The following USP25 variants were observed in gnomAD, a reference collection of about 807,000 sequenced individuals.
The protein encoded by USP25 is ubiquitin carboxyl-terminal hydrolase 25.
Under a neutral mutation model 158.5 loss-of-function variants are expected in USP25, and 85 were observed. That is an observed-to-expected ratio of 0.54 (90% CI 0.45 to 0.64). The LOEUF (loss-of-function observed/expected upper bound fraction) is 0.64, where lower values mean the gene tolerates loss of function less well. USP25 is among the 30% of genes least tolerant of loss of function. USP25 has a pLI of 0.00. For missense variants in USP25, 1,242 were observed against 1,327.3 expected (o/e 0.94, Z 1.00); for synonymous variants, 464 against 460.4 (o/e 1.01, Z -0.10).
In USP25 at chr21:15,825,033, C is replaced by T. The variant is rs750944077; in HGVS notation, c.1276C>T (p.Leu426Phe). 6.2e-7 allele frequency: 1 copy of T among 1,611,150 alleles called. No individual in the cohort carries two copies. The highest frequency in any genetic ancestry group is 1.1e-5 in the South Asian group (1 of 90,786). The change falls in exon 12 of 26, where the codon CTC becomes TTC. Residue 426 changes from leucine (L) to phenylalanine (F), a missense_variant. By Grantham distance (22) the Leu-to-Phe change is conservative (BLOSUM62 0). Transcript: ENST00000400183. ...REEIKRLKDY[L>F]TVLQQRLERY... ...AGAGATCAAGAGACTGAAAGATTAC[C>T]TCACGGTATTACAACAAAGGCTAGA... is the stretch of plus-strand genomic sequence containing the variant.
At chr21:15,735,530 G>T (rs1457527001) in intron 1 of USP25, among the ~76,000 whole-genome samples, 1 of 152,168 alleles carries the variant, frequency 6.6e-6, no homozygotes, top group Admixed American at 6.5e-5. Flanking sequence ...GCCTCTGGGG[G>T]TCCTGGAACC....
intron 4 of USP25, among the ~76,000 whole-genome samples, chr21:15,784,141 TAA>T (rs1352875077): frequency 6.6e-6 from 1 of 152,154 alleles, no homozygotes; most frequent in Non-Finnish European, 1.5e-5. Context: ...TCAATATAGG[TAA>T]ATCCATAATC....
intron 17 of USP25, among the ~76,000 whole-genome samples, chr21:15,839,812 A>G (rs912844143): frequency 1.3e-5 from 2 of 152,030 alleles, no homozygotes; most frequent in African/African-American, 4.8e-5. Flanking sequence ...CATCGTTTCT[A>G]TTGCATATAG....
At chr21:15,772,291 G>A (rs147071644) in intron 3 of USP25, among the ~76,000 whole-genome samples, 362 of 152,294 alleles carry the variant, frequency 2.4e-3, no homozygotes, top group African/African-American at 8.2e-3. Flanking sequence ...AGTAGGATGA[G>A]TATCACGTTT....
rs1378812777 is a variant in USP25, at chr21:15,859,973, A to G, written c.2548-4295A>G. 4.9e-5 allele frequency among the ~76,000 whole-genome samples: 7 copies of G among 143,850 alleles called. 1 individual carries two copies. In the East Asian group the frequency reaches 1.4e-3, roughly 29 times the overall value. The allele number at this position is 143,850 out of a possible 152,430, so 94.4% of individuals were successfully genotyped here. On this transcript the variant is annotated intron_variant, in intron 20 of 25. Transcript: ENST00000400183. The stretch of plus-strand genomic sequence containing the variant: ...ATTTAAATTGGATATATATATGTAT[A>G]TATATATATATATCTATATTTTTTT...
chr21:15,843,659 A>G lies in USP25; in HGVS notation c.2337+1119A>G, dbSNP rs746872854. Among the ~76,000 whole-genome samples the G allele has an allele frequency of 2.0e-5, 3 of 152,136 alleles. No homozygotes were observed. Among genetic ancestry groups the G allele is most frequent in the Non-Finnish European group, 1.5e-5 (1 of 67,998 alleles). On this transcript the variant is annotated intron_variant, in intron 18 of 25. Coordinates refer to ENST00000400183, the MANE Select transcript of USP25 (RefSeq NM_001283041.3). The surrounding 1 kb of genome is among the most constrained non-coding windows in gnomAD (Gnocchi z 4.0). ...ATTTGATGTGAACATCACTAACTCT[A>G]AAGCTTTTCCTGGAAAATGCTTTGT...
chr21:15,834,042 G>A (rs886938501), intron 17 of USP25, among the ~76,000 whole-genome samples: 8 of 151,884 alleles, frequency 5.3e-5, no homozygotes, highest in East Asian at 1.9e-4. Context: ...GATGTTTTTC[G>A]GAATTCTTAA....
chr21:15,805,470 TGAAAA>T, intron 7 of USP25: 1 of 376,266 alleles, frequency 2.7e-6, no homozygotes, highest in Non-Finnish European at 4.6e-6. Context: ...ATGATTGAAA[TGAAAA>T]CGATGGATAC....
rs575136706 is a variant in USP25, at chr21:15,867,855, A to G, written c.2805+1511A>G. On this transcript the variant is annotated intron_variant, in intron 22 of 25. Coordinates refer to ENST00000400183, the MANE Select transcript of USP25 (RefSeq NM_001283041.3). ...ATAAAACTTATTGGGAGACATTAAC[A>G]AAGACCTAAATAAATGGGCATACAT... Among the ~76,000 whole-genome samples, 224 of 152,322 alleles carry G rather than the reference A, an allele frequency of 1.5e-3. 3 individuals carry two copies. Among genetic ancestry groups the G allele is most frequent in the African/African-American group, 4.9e-3 (204 of 41,584 alleles).
chr21:15,762,861 A>G (rs2033813501), intron 1 of USP25, 30 bp from the exon 2 acceptor site: 2 of 1,588,890 alleles, frequency 1.3e-6, no homozygotes, highest in Admixed American at 1.8e-5. Flanking sequence ...AGTTGAGAAT[A>G]TAATGATTTT....
intron 4 of USP25, among the ~76,000 whole-genome samples, chr21:15,783,643 C>T (rs1277371683): frequency 3.9e-5 from 6 of 152,016 alleles, no homozygotes; most frequent in African/African-American, 7.2e-5. Flanking sequence ...AGAATATATC[C>T]GGCAGTGCTA....
intron 1 of USP25, among the ~76,000 whole-genome samples, chr21:15,752,484 G>A (rs2033098301): frequency 1.3e-5 from 2 of 152,314 alleles, no homozygotes; most frequent in Non-Finnish European, 2.9e-5. Flanking sequence ...AAAGTGCTGG[G>A]ATTACAGGCG....
At chr21:15,762,323 T>G (rs2033778220) in intron 1 of USP25, among the ~76,000 whole-genome samples, 1 of 152,086 alleles carries the variant, frequency 6.6e-6, no homozygotes. Context: ...TCTCTCTACC[T>G]CTTTTCCCTT....
At chr21:15,858,063 G>C (rs996383008) in intron 20 of USP25, among the ~76,000 whole-genome samples, 2 of 151,920 alleles carry the variant, frequency 1.3e-5, no homozygotes, top group African/African-American at 4.8e-5. Flanking sequence ...TCTGTTTTTG[G>C]ACAATACACT....
chr21:15,752,804 T>G (rs2033118416), intron 1 of USP25, among the ~76,000 whole-genome samples: 1 of 152,196 alleles, frequency 6.6e-6, no homozygotes, highest in Non-Finnish European at 1.5e-5. Flanking sequence ...GGGTATACCT[T>G]CAGATTTATG....
chr21:15,746,326 T>C (rs954629374), intron 1 of USP25, among the ~76,000 whole-genome samples: 15 of 152,220 alleles, frequency 9.9e-5, no homozygotes, highest in Non-Finnish European at 2.2e-4. Context: ...AGAACACATA[T>C]ATTTCTCCAT....
At chr21:15,776,161 G>A (rs138401952) in intron 3 of USP25, among the ~76,000 whole-genome samples, 1 of 152,226 alleles carries the variant, frequency 6.6e-6, no homozygotes, top group African/African-American at 2.4e-5. Flanking sequence ...GCTGTGGTCT[G>A]GGTGGACTTG....
At chr21:15,768,660 G>A (rs746218439) in intron 3 of USP25, among the ~76,000 whole-genome samples, 7 of 152,106 alleles carry the variant, frequency 4.6e-5, no homozygotes, top group Admixed American at 1.3e-4. Context: ...CTGTAGGAAT[G>A]TAGAAGAATA....
At chr21:15,768,880 C>A (rs2034189026) in intron 3 of USP25, among the ~76,000 whole-genome samples, 1 of 152,040 alleles carries the variant, frequency 6.6e-6, no homozygotes, top group Admixed American at 6.6e-5. Context: ...AAAGCAGAAA[C>A]AAAGTCATGC....
Sources: gnomAD v4.1 joint callset for allele counts (sites outside exome capture counted in the v4.1 genomes callset) on GRCh38, gnomAD v4.1.1 for gene constraint, Gnocchi (gnomAD v3.1) non-coding constraint, MANE v1.5 for transcripts, NCBI Gene and HGNC (gene_info 2026-07-23, HGNC 2026-07-21) for gene names.